Variants in CPEB2 observed in about 807,000 individuals in gnomAD.
The protein encoded by CPEB2 is cytoplasmic polyadenylation element-binding protein 2.
Under a neutral mutation model 93.6 loss-of-function variants are expected in CPEB2, and 56 were observed. The ratio of observed to expected loss-of-function variants is 0.60; its 90% CI spans 0.48 to 0.75. The LOEUF (loss-of-function observed/expected upper bound fraction) is 0.75, where lower values mean the gene tolerates loss of function less well. Ranked by LOEUF, CPEB2 falls within the 30% of genes least tolerant of loss-of-function variation. The probability of loss-of-function intolerance (pLI) is 0.00; values close to 1 mark genes in which losing one functional copy is unlikely to be tolerated. For synonymous variants in CPEB2, 764 were observed against 586.3 expected (o/e 1.30, Z -4.38); for missense variants, 1,579 against 1,395.1 (o/e 1.13, Z -2.10).
chr4:15,018,998 A>G (rs748232125), intron 4 of CPEB2, among the ~76,000 whole-genome samples: 24 of 148,554 alleles, frequency 1.6e-4, no homozygotes, highest in Non-Finnish European at 3.1e-4. Context: ...GCATATATAG[A>G]TATATATGTT....
At chr4:15,019,915 G>T (rs894021842) in intron 4 of CPEB2, among the ~76,000 whole-genome samples, 24 of 152,138 alleles carry the variant, frequency 1.6e-4, no homozygotes, top group African/African-American at 5.1e-4. Context: ...TTTGGGAGCA[G>T]TTTAGCTGGT....
At chr4:15,008,918 G>A (rs1227900810) in intron 3 of CPEB2, among the ~76,000 whole-genome samples, 2 of 152,050 alleles carry the variant, frequency 1.3e-5, no homozygotes, top group East Asian at 3.9e-4. Context: ...ATATAGCCTA[G>A]TATTCTAAAT....
At chr4:15,033,338 T>A in intron 5 of CPEB2, 127 bp downstream of exon 5, 1 of 670,904 alleles carries the variant, frequency 1.5e-6, no homozygotes, top group Non-Finnish European at 2.5e-6. Flanking sequence ...AAGTTACAAC[T>A]ATTCCTATGC....
At chr4:15,012,828 G>A (rs769193071) in intron 3 of CPEB2, among the ~76,000 whole-genome samples, 4 of 151,788 alleles carry the variant, frequency 2.6e-5, no homozygotes, top group Non-Finnish European at 5.9e-5. Flanking sequence ...AAGAATATAG[G>A]GGTTTTCTAT....
intron 4 of CPEB2, among the ~76,000 whole-genome samples, chr4:15,027,211 T>A (rs1725581580): frequency 6.6e-6 from 1 of 152,208 alleles, no homozygotes; most frequent in Non-Finnish European, 1.5e-5. Flanking sequence ...CTTTGGTGTT[T>A]CTTGGTAAAT....
chr4:15,036,351 T>TCAAATATGTTGAAGAGTC (rs1726610781), intron 5 of CPEB2, among the ~76,000 whole-genome samples: 2 of 152,320 alleles, frequency 1.3e-5, no homozygotes, highest in African/African-American at 4.8e-5. Context: ...ATTGAAGAAT[T>TCAAATATGTTGAAGAGTC]CAAATATGTT....
chr4:15,006,438 A>C (rs966454017), intron 1 of CPEB2: 3 of 151,858 alleles, frequency 2.0e-5, no homozygotes, highest in African/African-American at 7.2e-5. Flanking sequence ...AAAAAACCCA[A>C]AACTACAATT....
Position 15,003,263 on chromosome 4 carries a change from C to CGCCGCT in CPEB2, c.595_596insTGCCGC (p.Pro198_Pro199insLeuPro). On this transcript the variant is annotated inframe_insertion, in exon 1 of 12. Transcript: ENST00000538197. ...CACCCTCCGGACTCGAAGCCGCCGC[C>CGCCGCT]GCCGCCTCCGCCGCTCCACTGCCCC... 1 of 1,523,946 alleles carries CGCCGCT rather than the reference C, an allele frequency of 6.6e-7. No homozygotes were observed. Among genetic ancestry groups the CGCCGCT allele is most frequent in the South Asian group, 1.2e-5 (1 of 83,376 alleles). The allele number at this position is 1,523,946 out of a possible 1,614,324, so 94.4% of individuals were successfully genotyped here. A position where few individuals can be genotyped will look rare whatever the true frequency, so the allele number is the denominator to read the frequency against.
chr4:15,032,566 T>TA (rs1183266550), intron 4 of CPEB2, among the ~76,000 whole-genome samples: 2 of 117,382 alleles, frequency 1.7e-5, no homozygotes, highest in African/African-American at 2.6e-5. Flanking sequence ...TTAATTTTTT[T>TA]TATATTTTTA....
intron 2 of CPEB2, 66 bp downstream of exon 2, chr4:15,007,652 GGTGGTA>G: frequency 9.7e-7 from 1 of 1,027,194 alleles, no homozygotes; most frequent in Non-Finnish European, 1.3e-6. Context: ...GTTGGGTGGT[GGTGGTA>G]GTGGTATGCT....
chr4:15,056,679 A>G (rs1728740926), intron 8 of CPEB2, among the ~76,000 whole-genome samples: 1 of 152,180 alleles, frequency 6.6e-6, no homozygotes, highest in Admixed American at 6.6e-5. Flanking sequence ...AGAAGCATCC[A>G]GTGGGTGAAG....
intron 3 of CPEB2, chr4:15,010,622 T>C (rs1472941318): frequency 6.6e-6 from 1 of 152,236 alleles, no homozygotes; most frequent in Non-Finnish European, 1.5e-5. Context: ...TCTCATTCTT[T>C]GGCAAAATTA....
intron 1 of CPEB2, chr4:15,005,205 T>C (rs1722661608): frequency 6.6e-6 from 1 of 152,270 alleles, no homozygotes; most frequent in Non-Finnish European, 1.5e-5. Flanking sequence ...AACCGAGATA[T>C]CCCACGAATG....
At chr4:15,013,757 G>A (rs902951689) in intron 3 of CPEB2, among the ~76,000 whole-genome samples, 3 of 152,020 alleles carry the variant, frequency 2.0e-5, no homozygotes, top group African/African-American at 7.2e-5. Flanking sequence ...TTTTATGTTT[G>A]TTGCTTTAAA....
At chr4:15,037,628 C>T (rs1470276783) in intron 5 of CPEB2, among the ~76,000 whole-genome samples, 2 of 152,202 alleles carry the variant, frequency 1.3e-5, no homozygotes, top group Middle Eastern at 3.4e-3. Flanking sequence ...ATTGTAAAGT[C>T]GCTTGTCTTC....
intron 9 of CPEB2, 27 bp downstream of exon 9, chr4:15,058,566 G>T (rs1029919338): frequency 7.9e-7 from 1 of 1,270,556 alleles, no homozygotes; most frequent in African/African-American, 1.5e-5. Flanking sequence ...TGAACTTCAG[G>T]CTACAAATGC....
intron 7 of CPEB2, 38 bp downstream of exon 7, chr4:15,052,622 C>A: frequency 1.5e-6 from 2 of 1,323,908 alleles, no homozygotes; most frequent in African/African-American, 1.5e-5. Context: ...GTGATTTGGG[C>A]TTTAACAAAA....
In CPEB2 at chr4:15,003,909, G is replaced by T; in HGVS notation, c.1236G>T (p.Pro412=). Residue 412 remains proline, a synonymous_variant, in exon 1 of 12, where the codon CCG becomes CCT. Transcript: ENST00000538197. Reference sequence around the variant, plus strand: ...AGCAGCCGCCGCCACCCCAGCAGCCGCCCCAGCCGCAGCCGCAGCCGCCCG... The same window carrying T: ...AGCAGCCGCCGCCACCCCAGCAGCCTCCCCAGCCGCAGCCGCAGCCGCCCG... ...PQQQPPPPQQ[P]PQPQPQPPGS... 1 of 967,292 alleles carries T rather than the reference G, an allele frequency of 1.0e-6. No individual in the cohort carries two copies. 59.9% of individuals were successfully genotyped at this position (967,292 alleles called of 1,614,324 possible).
At chr4:15,021,483 C>T (rs535925263) in intron 4 of CPEB2, among the ~76,000 whole-genome samples, 1 of 152,218 alleles carries the variant, frequency 6.6e-6, no homozygotes, top group South Asian at 2.1e-4. Context: ...TCTTTTCCTT[C>T]CCTGCCCCCA....
Sources: gnomAD v4.1 joint callset for allele counts (sites outside exome capture counted in the v4.1 genomes callset) on GRCh38, gnomAD v4.1.1 for gene constraint, MANE v1.5 for transcripts, NCBI Gene and HGNC (gene_info 2026-07-23, HGNC 2026-07-21) for gene names.